Variants in FBXL7 observed in about 807,000 individuals in gnomAD.
FBXL7 encodes the protein F-box and leucine rich repeat protein 7, also known as F-box/LRR-repeat protein 7.
Under a neutral mutation model 38.3 loss-of-function variants are expected in FBXL7, and 12 were observed. The ratio of observed to expected loss-of-function variants is 0.31; its 90% CI spans 0.20 to 0.51. The LOEUF is 0.51. Among genes scored for constraint, FBXL7 ranks in the 20% least tolerant of loss-of-function variants. The probability of loss-of-function intolerance (pLI) is 0.98; values close to 1 mark genes in which losing one functional copy is unlikely to be tolerated. For missense variants in FBXL7, 567 were observed against 676.4 expected (o/e 0.84, Z 1.79); for synonymous variants, 297 against 300.9 (o/e 0.99, Z 0.13).
chr5:15,650,215 C>T (rs974409612), intron 2 of FBXL7, among the ~76,000 whole-genome samples: 2 of 152,190 alleles, frequency 1.3e-5, no homozygotes, highest in Non-Finnish European at 2.9e-5. Context: ...TTCCAGACCA[C>T]CACAATAAAG....
chr5:15,691,389 C>T (rs950887968), intron 2 of FBXL7, among the ~76,000 whole-genome samples: 2 of 152,220 alleles, frequency 1.3e-5, no homozygotes, highest in Non-Finnish European at 2.9e-5. Flanking sequence ...ATCTAAAGCT[C>T]GAATGATGCC....
intron 2 of FBXL7, among the ~76,000 whole-genome samples, chr5:15,654,761 A>G (rs1218598098): frequency 2.0e-5 from 3 of 152,152 alleles, no homozygotes; most frequent in Admixed American, 6.5e-5. Context: ...CTCTGTGTAT[A>G]TTGGATAAAT....
chr5:15,892,403 C>A (rs185037012), intron 2 of FBXL7, among the ~76,000 whole-genome samples: 29 of 152,026 alleles, frequency 1.9e-4, no homozygotes, highest in Non-Finnish European at 3.7e-4. Context: ...TGAGCAGAGG[C>A]GGGACATGCA....
Position 15,886,409 on chromosome 5 carries a change from G to A in FBXL7, c.128-41481G>A, listed in dbSNP as rs948301794. 5.3e-5 allele frequency among the ~76,000 whole-genome samples: 8 copies of A among 152,090 alleles called. No homozygotes were observed. In the South Asian group the frequency reaches 6.2e-4, roughly 12 times the overall value. On this transcript the variant is annotated intron_variant, in intron 2 of 3. Coordinates refer to ENST00000504595, the MANE Select transcript of FBXL7 (RefSeq NM_012304.5). ...ACCTTGCTCTTTTCTCACTATGGCCGTAAAATCAGGCAAAGGGACTTTTTA... is the reference window on the plus strand; with the variant it reads ...ACCTTGCTCTTTTCTCACTATGGCCATAAAATCAGGCAAAGGGACTTTTTA...
At chr5:15,814,757 A>T (rs935176126) in intron 2 of FBXL7, among the ~76,000 whole-genome samples, 27 of 152,312 alleles carry the variant, frequency 1.8e-4, no homozygotes, top group Non-Finnish European at 4.0e-4. Context: ...GGAATCTCCA[A>T]GAAAAGACTA....
intron 2 of FBXL7, among the ~76,000 whole-genome samples, chr5:15,783,937 A>G (rs935940068): frequency 2.0e-5 from 3 of 152,154 alleles, no homozygotes; most frequent in Non-Finnish European, 4.4e-5. Flanking sequence ...GGCCAGGTAA[A>G]CATGGATGTG....
chr5:15,933,763 G>A (rs901038941), intron 3 of FBXL7, among the ~76,000 whole-genome samples: 5 of 152,100 alleles, frequency 3.3e-5, no homozygotes, highest in African/African-American at 1.2e-4. Flanking sequence ...CCAGGAGGTG[G>A]GAGGAAGGTC....
chr5:15,768,475 G>A (rs1337023603), intron 2 of FBXL7, among the ~76,000 whole-genome samples: 1 of 151,548 alleles, frequency 6.6e-6, no homozygotes, highest in Non-Finnish European at 1.5e-5. Flanking sequence ...AGGTCGCAGT[G>A]AGCCGAGATC....
At chr5:15,724,170 A>G (rs1007391505) in intron 2 of FBXL7, among the ~76,000 whole-genome samples, 36 of 152,176 alleles carry the variant, frequency 2.4e-4, no homozygotes, top group African/African-American at 8.7e-4. Flanking sequence ...TGATTTTGCT[A>G]TGTATTAATA....
chr5:15,627,231 G>A (rs533893361), intron 2 of FBXL7, among the ~76,000 whole-genome samples: 1 of 152,302 alleles, frequency 6.6e-6, no homozygotes, highest in South Asian at 2.1e-4. Context: ...AAACACTTGT[G>A]TAGCAGTTAA....
intron 2 of FBXL7, among the ~76,000 whole-genome samples, chr5:15,624,872 T>TG (rs1740761473): frequency 1.3e-5 from 2 of 151,738 alleles, no homozygotes; most frequent in African/African-American, 4.8e-5. Context: ...CATGTTTGTT[T>TG]TTTTTTTTTT....
At chr5:15,890,115 G>A (rs932324943) in intron 2 of FBXL7, among the ~76,000 whole-genome samples, 4 of 152,036 alleles carry the variant, frequency 2.6e-5, no homozygotes, top group Admixed American at 6.5e-5. Context: ...AGGTCCCCTA[G>A]CCCCTGGGCC....
chr5:15,759,327 C>T (rs1454593922), intron 2 of FBXL7, among the ~76,000 whole-genome samples: 1 of 152,078 alleles, frequency 6.6e-6, no homozygotes, highest in African/African-American at 2.4e-5. Flanking sequence ...TAAATAATTT[C>T]ATTTAAACTT....
At chr5:15,803,377 T>A (rs1737621963) in intron 2 of FBXL7, among the ~76,000 whole-genome samples, 1 of 152,156 alleles carries the variant, frequency 6.6e-6, no homozygotes, top group South Asian at 2.1e-4. Flanking sequence ...AAGAAAAGTT[T>A]TAGGAAATGA....
chr5:15,927,785 A>AAAAAAAAAAAAAAAT, intron 2 of FBXL7, 105 bp from the exon 3 acceptor site: 6 of 801,034 alleles, frequency 7.5e-6, no homozygotes, highest in Admixed American at 4.2e-5. Flanking sequence ...AAAAAAAAAA[A>AAAAAAAAAAAAAAAT]AAGAAGAAGA....
At chr5:15,706,582 A>T (rs1743687205) in intron 2 of FBXL7, among the ~76,000 whole-genome samples, 2 of 152,220 alleles carry the variant, frequency 1.3e-5, no homozygotes, top group African/African-American at 4.8e-5. Flanking sequence ...TTGTTTTAAT[A>T]GTTCATCAAA....
chr5:15,727,288 T>G (rs1735434716), intron 2 of FBXL7, among the ~76,000 whole-genome samples: 1 of 152,242 alleles, frequency 6.6e-6, no homozygotes, highest in Admixed American at 6.5e-5. Flanking sequence ...TATATTTATA[T>G]TCATTGAGAT....
At chr5:15,679,179 G>T (rs975175635) in intron 2 of FBXL7, among the ~76,000 whole-genome samples, 3 of 152,118 alleles carry the variant, frequency 2.0e-5, no homozygotes, top group Non-Finnish European at 2.9e-5. Flanking sequence ...ACAAACCCCA[G>T]CTATCTACGC....
intron 2 of FBXL7, among the ~76,000 whole-genome samples, chr5:15,917,278 T>C (rs1230101835): frequency 6.6e-6 from 1 of 152,210 alleles, no homozygotes; most frequent in Non-Finnish European, 1.5e-5. Flanking sequence ...AAGCTGAATA[T>C]TATAGTTTTA....
Sources: gnomAD v4.1 joint callset for allele counts (sites outside exome capture counted in the v4.1 genomes callset) on GRCh38, gnomAD v4.1.1 for gene constraint, MANE v1.5 for transcripts, NCBI Gene and HGNC (gene_info 2026-07-23, HGNC 2026-07-21) for gene names.